Variants in NKAIN3 observed in about 807,000 individuals in gnomAD.
The protein encoded by NKAIN3 is sodium/potassium transporting ATPase interacting 3.
In NKAIN3, 25 loss-of-function variants were observed where a neutral mutation model predicts 30.2. The ratio of observed to expected loss-of-function variants is 0.83; its 90% CI spans 0.60 to 1.16. NKAIN3 has a LOEUF of 1.16. Ranked by LOEUF, NKAIN3 falls within the 50% of genes most tolerant of loss-of-function variation. The pLI is 0.00. For synonymous variants in NKAIN3, 91 were observed against 89.6 expected, an observed-to-expected ratio of 1.02 and a Z score of -0.09; for missense variants, 225 against 254.1, an observed-to-expected ratio of 0.89 and a Z score of 0.78.
At chr8:62,788,824 G>A (rs1228295122) in intron 4 of NKAIN3, among the ~76,000 whole-genome samples, 3 of 151,706 alleles carry the variant, frequency 2.0e-5, no homozygotes, top group Non-Finnish European at 4.4e-5. Flanking sequence ...TTGTCAGGTT[G>A]GTCAAAGATC....
chr8:62,406,480 A>G (rs566801485), intron 1 of NKAIN3, among the ~76,000 whole-genome samples: 1 of 152,320 alleles, frequency 6.6e-6, no homozygotes, highest in Admixed American at 6.5e-5. Flanking sequence ...CATAAAAATA[A>G]AAGTAAGATA....
At chr8:62,478,994 T>G (rs139722833) in intron 1 of NKAIN3, among the ~76,000 whole-genome samples, 1 of 152,112 alleles carries the variant, frequency 6.6e-6, no homozygotes, top group African/African-American at 2.4e-5. Context: ...GGCATTCACC[T>G]GGGGAGTAGG....
At chr8:62,320,107 G>C (rs1814819238) in intron 1 of NKAIN3, among the ~76,000 whole-genome samples, 1 of 151,998 alleles carries the variant, frequency 6.6e-6, no homozygotes, top group South Asian at 2.1e-4. Flanking sequence ...TGTCTCTTTT[G>C]ATCTTTGTTG....
intron 1 of NKAIN3, among the ~76,000 whole-genome samples, chr8:62,365,882 T>C (rs1231185608): frequency 3.3e-5 from 5 of 152,196 alleles, no homozygotes; most frequent in South Asian, 4.1e-4. Context: ...GCTTTATGTA[T>C]TTTTTAAAAA....
intron 3 of NKAIN3, among the ~76,000 whole-genome samples, chr8:62,731,146 G>T (rs1009297401): frequency 8.6e-5 from 13 of 151,434 alleles, no homozygotes; most frequent in Non-Finnish European, 1.6e-4. Flanking sequence ...TTTTAGTGAG[G>T]AATGGTATCA....
Position 62,966,516 on chromosome 8 carries a change from T to A in NKAIN3, c.*1109T>A. The A allele has an allele frequency of 2.5e-6, 1 of 404,124 alleles. No individual in the cohort carries two copies. Among genetic ancestry groups the A allele is most frequent in the Non-Finnish European group, 3.3e-6 (1 of 298,812 alleles). The allele number at this position is 404,124 out of a possible 1,614,324, so 25.0% of individuals were successfully genotyped here. On this transcript the variant is annotated 3_prime_UTR_variant, in exon 7 of 7. Coordinates refer to ENST00000623646, the MANE Select transcript of NKAIN3 (RefSeq NM_001304533.3). ...GTTTTGAAAAATGTACATACCCATG[T>A]AACCAAGGCCTCAATCAAAATGCAG...
rs114981017 is a variant in NKAIN3 at position 62,608,300 on chromosome 8, A to C, written c.273+18506A>C. ...TCCTGTGTCACGTATTAAAGGTGAA[A>C]CCTGAAGATGCTAAAAATTGATCAT... On this transcript the variant is annotated intron_variant, in intron 3 of 6. Transcript: ENST00000623646. 1.6e-3 allele frequency among the ~76,000 whole-genome samples: 238 copies of C among 152,278 alleles called. 1 individual carries two copies. The highest frequency in any genetic ancestry group is 4.3e-3 in the African/African-American group (179 of 41,566).
chr8:62,531,001 A>T (rs1401317717), intron 1 of NKAIN3, among the ~76,000 whole-genome samples: 1 of 152,170 alleles, frequency 6.6e-6, no homozygotes, highest in Non-Finnish European at 1.5e-5. Context: ...GTCTGTTCAC[A>T]TTAAAAAGCA....
intron 1 of NKAIN3, among the ~76,000 whole-genome samples, chr8:62,291,144 T>G (rs1456221616): frequency 6.6e-6 from 1 of 152,190 alleles, no homozygotes; most frequent in Non-Finnish European, 1.5e-5. Context: ...TCTTTATTAG[T>G]CTTGCTAGCA....
At chr8:62,279,945 A>T (rs922540533) in intron 1 of NKAIN3, among the ~76,000 whole-genome samples, 1 of 152,290 alleles carries the variant, frequency 6.6e-6, no homozygotes, top group Non-Finnish European at 1.5e-5. Flanking sequence ...ATGGCATTGA[A>T]TCTATAAATT....
At chr8:62,575,269 G>A (rs1380751492) in intron 1 of NKAIN3, among the ~76,000 whole-genome samples, 1 of 152,060 alleles carries the variant, frequency 6.6e-6, no homozygotes, top group Non-Finnish European at 1.5e-5. Context: ...ATTTAGTAAA[G>A]TTGCAGGATA....
intron 1 of NKAIN3, among the ~76,000 whole-genome samples, chr8:62,555,846 C>A (rs924062021): frequency 6.6e-6 from 1 of 151,882 alleles, no homozygotes; most frequent in Non-Finnish European, 1.5e-5. Flanking sequence ...TAAAAGAAAA[C>A]GGACAAATTT....
rs1336614102 is a variant in NKAIN3, at chr8:62,864,118, G to A, written c.472-54335G>A. On this transcript the variant is annotated intron_variant, in intron 4 of 6. Transcript: ENST00000623646. ...CAAGCGGGGCTACAGGGGCTTCGCGGAGGTGATGGCGACGCGAGCGCGGAA... is the reference window on the plus strand; with the variant it reads ...CAAGCGGGGCTACAGGGGCTTCGCGAAGGTGATGGCGACGCGAGCGCGGAA... 8.0e-6 allele frequency: 5 copies of A among 627,824 alleles called. No homozygotes were observed. The Admixed American group carries it at 8.7e-5, about 11-fold the overall frequency. The allele number at this position is 627,824 out of a possible 1,614,324, so 38.9% of individuals were successfully genotyped here.
intron 5 of NKAIN3, among the ~76,000 whole-genome samples, chr8:62,928,716 C>T (rs1822523858): frequency 6.6e-6 from 1 of 152,332 alleles, no homozygotes; most frequent in East Asian, 1.9e-4. Flanking sequence ...CATAGACCAG[C>T]ACTGAAGCTT....
At chr8:62,819,131 C>T (rs1054385189) in intron 4 of NKAIN3, among the ~76,000 whole-genome samples, 12 of 118,064 alleles carry the variant, frequency 1.0e-4, no homozygotes, top group Non-Finnish European at 1.4e-4. Context: ...ACAGAATTAT[C>T]GTTATATATA....
chr8:62,870,326 ACT>A (rs34256635), intron 4 of NKAIN3, among the ~76,000 whole-genome samples: 80,787 of 120,668 alleles, frequency 0.67, 28,215 homozygotes, highest in African/African-American at 0.75. Flanking sequence ...AGATATATAA[ACT>A]CTATTTTGTA....
chr8:62,436,756 C>T (rs558591589), intron 1 of NKAIN3, among the ~76,000 whole-genome samples: 5 of 152,240 alleles, frequency 3.3e-5, no homozygotes, highest in African/African-American at 1.2e-4. Context: ...CGGAATCAGA[C>T]ATTCACTTTG....
chr8:62,938,510 T>C (rs1045281969), intron 5 of NKAIN3, among the ~76,000 whole-genome samples: 1 of 151,650 alleles, frequency 6.6e-6, no homozygotes, highest in Non-Finnish European at 1.5e-5. Flanking sequence ...ACTCCCCTGC[T>C]ACCTTCACTG....
intron 1 of NKAIN3, among the ~76,000 whole-genome samples, chr8:62,285,280 G>C (rs1813343979): frequency 6.6e-6 from 1 of 152,134 alleles, no homozygotes; most frequent in African/African-American, 2.4e-5. Flanking sequence ...CTTCTATTGG[G>C]TTGTATATTT....
Sources: gnomAD v4.1 joint callset for allele counts (sites outside exome capture counted in the v4.1 genomes callset) on GRCh38, gnomAD v4.1.1 for gene constraint, MANE v1.5 for transcripts, NCBI Gene and HGNC (gene_info 2026-07-23, HGNC 2026-07-21) for gene names.